The following CELF2 variants were observed in gnomAD, a reference collection of about 807,000 sequenced individuals.
CELF2 encodes CUGBP Elav-like family member 2.
Under a neutral mutation model 62.6 loss-of-function variants are expected in CELF2, and 8 were observed. That is an observed-to-expected ratio of 0.13 (90% CI 0.07 to 0.23). CELF2 has a LOEUF of 0.23. Ranked by LOEUF, CELF2 falls within the 10% of genes least tolerant of loss-of-function variation. The pLI is 1.00. For synonymous variants in CELF2, 258 were observed against 250.0 expected (o/e 1.03, Z -0.30); for missense variants, 333 against 671.0 (o/e 0.50, Z 5.56).
intron 4 of CELF2, among the ~76,000 whole-genome samples, chr10:11,257,336 C>CAAAAAAAAAAA (rs61363639): frequency 7.8e-5 from 9 of 114,726 alleles, no homozygotes; most frequent in Non-Finnish European, 1.4e-4. Flanking sequence ...AGACCATCTA[C>CAAAAAAAAAAA]AAAAAAAAAA....
the CELF2 span, among the ~76,000 whole-genome samples, chr10:10,545,220 T>A: frequency 2.6e-5 from 4 of 152,246 alleles, no homozygotes; most frequent in Non-Finnish European, 4.4e-5. Flanking sequence ...TGTGATTTAT[T>A]TTGAAAGCAA....
intron 9 of CELF2, among the ~76,000 whole-genome samples, chr10:11,291,663 G>A (rs1395118366): frequency 6.6e-6 from 1 of 152,048 alleles, no homozygotes; most frequent in Non-Finnish European, 1.5e-5. Context: ...CATTTTACCT[G>A]TGTTTACCCC....
At chr10:11,197,027 A>AGAAGGAAGGAAGGAAGGAGAGAG (rs1406923666) in intron 2 of CELF2, among the ~76,000 whole-genome samples, 1 of 37,016 alleles carries the variant, frequency 2.7e-5, no homozygotes, top group African/African-American at 1.8e-4. Context: ...AAAGAAAGAA[A>AGAAGGAAGGAAGGAAGGAGAGAG]AGAAAGAAAG....
chr10:10,899,025 G>A (rs1388480759), intron 1 of CELF2, among the ~76,000 whole-genome samples: 1 of 152,172 alleles, frequency 6.6e-6, no homozygotes, highest in Non-Finnish European at 1.5e-5. Context: ...TCATTAGAAA[G>A]TATTTTAACT....
At chr10:10,691,314 T>G in the CELF2 span, among the ~76,000 whole-genome samples, 1 of 151,336 alleles carries the variant, frequency 6.6e-6, no homozygotes, top group East Asian at 2.0e-4. Flanking sequence ...ATTTCATCCA[T>G]GTCCCTACAA....
At chr10:10,635,133 C>A in the CELF2 span, among the ~76,000 whole-genome samples, 1 of 152,264 alleles carries the variant, frequency 6.6e-6, no homozygotes, top group African/African-American at 2.4e-5. Flanking sequence ...ACTCAAGGGG[C>A]AGGGACAGAT....
At chr10:11,007,288 G>A (rs1004493940) in intron 1 of CELF2, among the ~76,000 whole-genome samples, 15 of 152,246 alleles carry the variant, frequency 9.9e-5, no homozygotes, top group African/African-American at 3.6e-4. Flanking sequence ...CAATAAATAA[G>A]AAACAAGATG....
chr10:10,770,403 C>G, the CELF2 span, among the ~76,000 whole-genome samples: 9 of 151,894 alleles, frequency 5.9e-5, no homozygotes, highest in Admixed American at 5.9e-4. Context: ...CTGACCTAGG[C>G]TGAGGTCTGC....
At position 11,197,025 on chromosome 10, in the gene CELF2, A is replaced by AAAGAAGGAAGGAAGGAAGGAAGG. The variant is rs1554936315; in HGVS notation, c.272-20398_272-20397insGAAGGAAGGAAGGAAGGAAGGAA. On this transcript the variant is annotated intron_variant, in intron 2 of 12. Transcript: ENST00000633077. ...AGGAGAAAGAAAGAAAGAAAGAAAG[A>AAAGAAGGAAGGAAGGAAGGAAGG]AAAGAAAGAAAGAAAGAAAGAAAGA... Among the ~76,000 whole-genome samples, 16 of 26,132 alleles carry AAAGAAGGAAGGAAGGAAGGAAGG rather than the reference A, an allele frequency of 6.1e-4. 1 individual carries two copies. Among genetic ancestry groups the AAAGAAGGAAGGAAGGAAGGAAGG allele is most frequent in the South Asian group, 1.1e-3 (1 of 918 alleles). The allele number at this position is 26,132 out of a possible 152,430, so 17.1% of individuals were successfully genotyped here.
At chr10:10,608,128 A>G in the CELF2 span, among the ~76,000 whole-genome samples, 1 of 131,878 alleles carries the variant, frequency 7.6e-6, no homozygotes, top group Non-Finnish European at 1.7e-5. Flanking sequence ...AAACTCTGTT[A>G]AAAACAAACA....
intron 1 of CELF2, among the ~76,000 whole-genome samples, chr10:10,840,021 T>TTGCA (rs2058575407): frequency 6.6e-6 from 1 of 152,240 alleles, no homozygotes; most frequent in African/African-American, 2.4e-5. Context: ...GTCTATGTAT[T>TTGCA]TGCATGGCTT....
the CELF2 span, among the ~76,000 whole-genome samples, chr10:10,569,454 C>A: frequency 1.3e-5 from 2 of 152,186 alleles, no homozygotes; most frequent in East Asian, 1.9e-4. Context: ...TTATCTCCAA[C>A]GGGGTCCCTC....
At chr10:10,918,284 T>G (rs1591900419) in intron 1 of CELF2, among the ~76,000 whole-genome samples, 2 of 152,298 alleles carry the variant, frequency 1.3e-5, no homozygotes, top group Admixed American at 1.3e-4. Flanking sequence ...GGAAAGAGAA[T>G]TTTTCATGCA....
intron 1 of CELF2, among the ~76,000 whole-genome samples, chr10:11,074,025 G>A (rs572597240): frequency 4.6e-5 from 7 of 152,308 alleles, no homozygotes; most frequent in African/African-American, 1.4e-4. Context: ...CAGCCCTCGA[G>A]GGTCTGTAGT....
intron 1 of CELF2, among the ~76,000 whole-genome samples, chr10:10,871,016 T>C (rs1169228548): frequency 6.6e-6 from 1 of 151,916 alleles, no homozygotes; most frequent in Non-Finnish European, 1.5e-5. Context: ...CTCCCTGCTG[T>C]TGCGCCATAA....
the CELF2 span, among the ~76,000 whole-genome samples, chr10:10,649,080 C>T: frequency 1.3e-5 from 2 of 152,204 alleles, no homozygotes; most frequent in African/African-American, 4.8e-5. Context: ...CATCTATCCC[C>T]TTTTGAAACG....
rs2095434657 is a variant in CELF2, at chr10:11,321,499, GTTGTT to G, written c.1294+119_1294+123del. The stretch of plus-strand genomic sequence containing the variant: ...TGAACCCATGTCATAACAGAAAGCA[GTTGTT>G]TTGTTATTCATGTTTAAAAAAAAAA... On this transcript the variant is annotated intron_variant, in intron 11 of 12. Coordinates refer to ENST00000633077, the MANE Select transcript of CELF2 (RefSeq NM_001326342.2). This position sits in a 1 kb window ranked among gnomAD's most constrained non-coding sequence, Gnocchi z 6.2. 7.4e-6 allele frequency: 6 copies of G among 805,686 alleles called. No homozygotes were observed. Among genetic ancestry groups the G allele is most frequent in the Non-Finnish European group, 9.4e-6 (5 of 533,232 alleles). The allele number at this position is 805,686 out of a possible 1,614,324, so 49.9% of individuals were successfully genotyped here.
At chr10:10,542,108 T>G in the CELF2 span, among the ~76,000 whole-genome samples, 1 of 152,204 alleles carries the variant, frequency 6.6e-6, no homozygotes, top group Admixed American at 6.5e-5. Context: ...ACAATGGGCT[T>G]CATTGTGAAA....
intron 2 of CELF2, among the ~76,000 whole-genome samples, chr10:10,988,830 A>G (rs915285415): frequency 1.4e-4 from 21 of 152,180 alleles, no homozygotes; most frequent in African/African-American, 5.1e-4. Flanking sequence ...TCACGAAATA[A>G]TGTACTGGAA....
Sources: gnomAD v4.1 joint callset for allele counts (sites outside exome capture counted in the v4.1 genomes callset) on GRCh38, gnomAD v4.1.1 for gene constraint, Gnocchi (gnomAD v3.1) non-coding constraint, MANE v1.5 for transcripts, NCBI Gene and HGNC (gene_info 2026-07-23, HGNC 2026-07-21) for gene names.